The following ZBTB20 variants were observed in gnomAD, a reference collection of about 807,000 sequenced individuals.
The protein encoded by ZBTB20 is zinc finger and BTB domain containing 20.
ZBTB20 carries 9 observed loss-of-function variants against 56.9 expected under a neutral mutation model. The observed-to-expected ratio is 0.16, with a 90% CI of 0.10 to 0.28. The LOEUF (loss-of-function observed/expected upper bound fraction) is 0.28, where lower values mean the gene tolerates loss of function less well. Ranked by LOEUF, ZBTB20 falls within the 10% of genes least tolerant of loss-of-function variation. ZBTB20 has a pLI of 1.00. For synonymous variants in ZBTB20, 417 were observed against 420.7 expected (o/e 0.99, Z 0.11); for missense variants, 655 against 1,003.0 (o/e 0.65, Z 4.69).
chr3:114,541,348 T>C (rs921026449), intron 6 of ZBTB20, among the ~76,000 whole-genome samples: 3 of 152,178 alleles, frequency 2.0e-5, no homozygotes, highest in Non-Finnish European at 4.4e-5. Context: ...ATTCCTCCAA[T>C]GGTTTTCTAC....
At chr3:115,130,850 C>T (rs2084483972) in intron 1 of ZBTB20, among the ~76,000 whole-genome samples, 1 of 152,172 alleles carries the variant, frequency 6.6e-6, no homozygotes, top group Non-Finnish European at 1.5e-5. Flanking sequence ...CAACCTGCAC[C>T]TCCCAGGTTC....
chr3:114,521,695 T>C (rs528054378), intron 6 of ZBTB20, among the ~76,000 whole-genome samples: 2 of 152,290 alleles, frequency 1.3e-5, no homozygotes, highest in African/African-American at 4.8e-5. Flanking sequence ...CTGATAAACA[T>C]TTACTGAATG....
At chr3:115,146,257 A>C (rs2084966409) in intron 1 of ZBTB20, among the ~76,000 whole-genome samples, 2 of 151,850 alleles carry the variant, frequency 1.3e-5, no homozygotes, top group South Asian at 4.1e-4. Context: ...TTTTTCGCTA[A>C]TGTTTAGTTT....
intron 6 of ZBTB20, among the ~76,000 whole-genome samples, chr3:114,679,934 C>A (rs1432231281): frequency 6.6e-6 from 1 of 152,178 alleles, no homozygotes; most frequent in Non-Finnish European, 1.5e-5. Flanking sequence ...AGCACATATA[C>A]ACATGGAATA....
chr3:114,866,019 A>C (rs1022122514), intron 4 of ZBTB20, among the ~76,000 whole-genome samples: 3 of 152,200 alleles, frequency 2.0e-5, no homozygotes, highest in African/African-American at 7.2e-5. Flanking sequence ...ATTAATAGAG[A>C]GGAATTAAAT....
chr3:114,373,984 G>A (rs779133613), intron 10 of ZBTB20, among the ~76,000 whole-genome samples: 1 of 152,128 alleles, frequency 6.6e-6, no homozygotes, highest in Non-Finnish European at 1.5e-5. Context: ...TTTAAAATAA[G>A]TGTGTCCCCA....
chr3:114,792,510 G>A (rs1220206086), intron 5 of ZBTB20, among the ~76,000 whole-genome samples: 1 of 152,108 alleles, frequency 6.6e-6, no homozygotes, highest in East Asian at 1.9e-4. Context: ...AGGTAGCATT[G>A]CTTCTAATTA....
In ZBTB20 at chr3:114,449,683, T is replaced by TAA. The variant is rs11439656; in HGVS notation, c.-255+50667_-255+50668dup. Among the ~76,000 whole-genome samples, 544 of 134,528 alleles carry TAA rather than the reference T, an allele frequency of 4.0e-3. 2 individuals carry two copies. The highest frequency in any genetic ancestry group is 6.0e-3 in the African/African-American group (216 of 35,860). 88.3% of individuals were successfully genotyped at this position (134,528 alleles called of 152,430 possible). ...GTCATTCCCTTTGGAAGCCTAGCTT[T>TAA]AAAAAAAAAAAAAAAAAAAGGTTGC... On this transcript the variant is annotated intron_variant, in intron 7 of 11. Transcript: ENST00000675478.
intron 6 of ZBTB20, among the ~76,000 whole-genome samples, chr3:114,691,558 A>G (rs2062698618): frequency 6.6e-6 from 1 of 152,034 alleles, no homozygotes; most frequent in Non-Finnish European, 1.5e-5. Flanking sequence ...AATAATAATA[A>G]TAATGCTCTT....
intron 2 of ZBTB20, among the ~76,000 whole-genome samples, chr3:115,046,569 T>A (rs2081341358): frequency 6.6e-6 from 1 of 152,168 alleles, no homozygotes; most frequent in African/African-American, 2.4e-5. Flanking sequence ...CAAGGCTACT[T>A]AAGAATTGAT....
intron 6 of ZBTB20, among the ~76,000 whole-genome samples, chr3:114,607,808 C>T (rs918640636): frequency 5.3e-5 from 8 of 152,156 alleles, no homozygotes; most frequent in African/African-American, 1.9e-4. Flanking sequence ...TGTAAATACT[C>T]ATGGACATAT....
Position 114,334,283 on chromosome 3 carries a change from G to A in ZBTB20, c.*4722C>T, listed in dbSNP as rs978743059. On this transcript the variant is annotated 3_prime_UTR_variant, in exon 12 of 12. Transcript: ENST00000675478. Reference sequence around the variant, plus strand: ...CCACCTTGCTCCCTGTCTTCCTAGGGGTCACAGGTGTTGGGAGCATTGTGG... The same window carrying A: ...CCACCTTGCTCCCTGTCTTCCTAGGAGTCACAGGTGTTGGGAGCATTGTGG... 6.6e-6 allele frequency: 1 copy of A among 152,184 alleles called. No homozygotes were observed. The highest frequency in any genetic ancestry group is 2.4e-5 in the African/African-American group (1 of 41,432). 9.4% of individuals were successfully genotyped at this position (152,184 alleles called of 1,614,324 possible). A position where few individuals can be genotyped will look rare whatever the true frequency, so the allele number is the denominator to read the frequency against.
chr3:114,764,904 A>G (rs1392973384), intron 5 of ZBTB20, among the ~76,000 whole-genome samples: 1 of 152,186 alleles, frequency 6.6e-6, no homozygotes, highest in East Asian at 1.9e-4. Context: ...CAAATACATC[A>G]TTACTTACCA....
chr3:114,408,453 C>A (rs936184477), intron 7 of ZBTB20, among the ~76,000 whole-genome samples: 2 of 152,152 alleles, frequency 1.3e-5, no homozygotes, highest in Admixed American at 6.5e-5. Context: ...CCGGACCTTT[C>A]CATAATCACG....
chr3:114,314,820 C>T lies in ZBTB20; in HGVS notation c.*24185G>A, dbSNP rs1401802053. ...AATATAATAGTATAATGAAGCGCTA[C>T]AGTTAATTTTTCTTTTTTTGAATGT... is the stretch of plus-strand genomic sequence containing the variant. On this transcript the variant is annotated 3_prime_UTR_variant, in exon 12 of 12. Coordinates refer to ENST00000675478, the MANE Select transcript of ZBTB20 (RefSeq NM_001348800.3). 2 of 151,870 alleles carry T rather than the reference C, an allele frequency of 1.3e-5. No homozygotes were observed. Among genetic ancestry groups the T allele is most frequent in the Non-Finnish European group, 1.5e-5 (1 of 67,964 alleles). The allele number at this position is 151,870 out of a possible 1,614,324, so 9.4% of individuals were successfully genotyped here.
chr3:114,436,426 C>T (rs893043454), intron 7 of ZBTB20, among the ~76,000 whole-genome samples: 5 of 152,148 alleles, frequency 3.3e-5, no homozygotes, highest in Non-Finnish European at 4.4e-5. Flanking sequence ...AGCCTCAATA[C>T]TCTCATCTGT....
intron 5 of ZBTB20, among the ~76,000 whole-genome samples, chr3:114,787,722 T>C (rs530992488): frequency 4.6e-5 from 7 of 152,142 alleles, no homozygotes; most frequent in Admixed American, 1.3e-4. Flanking sequence ...AGTAAAAATA[T>C]TCAACATTTT....
At chr3:114,609,870 T>C (rs188566948) in intron 6 of ZBTB20, among the ~76,000 whole-genome samples, 4 of 152,248 alleles carry the variant, frequency 2.6e-5, no homozygotes, top group Admixed American at 2.0e-4. Flanking sequence ...AGATTACAGA[T>C]TGTAGGTGAG....
intron 2 of ZBTB20, among the ~76,000 whole-genome samples, chr3:114,984,646 G>A (rs941939857): frequency 3.3e-5 from 5 of 151,952 alleles, no homozygotes; most frequent in African/African-American, 1.2e-4. Context: ...CCTATGAATG[G>A]CCTTCTCTTT....
Sources: allele counts gnomAD v4.1 joint callset (sites outside exome capture counted in the v4.1 genomes callset), GRCh38; gene constraint gnomAD v4.1.1; transcripts MANE v1.5; gene names NCBI Gene and HGNC (gene_info 2026-07-23, HGNC 2026-07-21).